Variants in GNAO1 observed in about 807,000 individuals in gnomAD.
GNAO1 encodes the protein guanine nucleotide-binding protein G(o) subunit alpha.
For missense variants in GNAO1, 166 were observed against 478.7 expected, an observed-to-expected ratio of 0.35 and a Z score of 6.10; for synonymous variants, 164 against 180.7, an observed-to-expected ratio of 0.91 and a Z score of 0.74.
At chr16:56,262,357 G>T (rs2036911367) in intron 2 of GNAO1, among the ~76,000 whole-genome samples, 1 of 152,220 alleles carries the variant, frequency 6.6e-6, no homozygotes, top group South Asian at 2.1e-4. Context: ...TTTTGGACTT[G>T]CCTGGTGTCA....
chr16:56,208,419 ATGTGTGTGTGTGTG>A (rs35244461), intron 2 of GNAO1, among the ~76,000 whole-genome samples: 2 of 148,838 alleles, frequency 1.3e-5, no homozygotes, highest in African/African-American at 2.5e-5. Flanking sequence ...GCTGCTATCA[ATGTGTGTGTGTGTG>A]TGTGTGTGTG....
At chr16:56,266,395 C>G (rs1378994681) in intron 2 of GNAO1, among the ~76,000 whole-genome samples, 4 of 152,218 alleles carry the variant, frequency 2.6e-5, no homozygotes, top group African/African-American at 9.6e-5. Flanking sequence ...CCTCTACACT[C>G]TTGGAATTCT....
chr16:56,264,481 G>C (rs2036933448), intron 2 of GNAO1, among the ~76,000 whole-genome samples: 1 of 152,192 alleles, frequency 6.6e-6, no homozygotes, highest in Non-Finnish European at 1.5e-5. Context: ...TCCTGGCCTT[G>C]CCCCTGGCTC....
chr16:56,283,038 G>A lies in GNAO1; in HGVS notation c.303+6966G>A, dbSNP rs76127646. On this transcript the variant is annotated intron_variant, in intron 3 of 8. Coordinates refer to ENST00000262493, the MANE Select transcript of GNAO1 (RefSeq NM_020988.3). ...CATTTTCCATCTGGTGGGGGTCCAG[G>A]TTTCTGAAAAACAACTCAGGGACAT... Among the ~76,000 whole-genome samples the A allele has an allele frequency of 5.7e-4, 87 of 152,256 alleles. 1 individual carries two copies. The East Asian group carries it at 0.015, about 27-fold the overall frequency.
At chr16:56,251,976 C>T (rs774040757) in intron 2 of GNAO1, among the ~76,000 whole-genome samples, 3 of 152,146 alleles carry the variant, frequency 2.0e-5, no homozygotes, top group Non-Finnish European at 4.4e-5. Flanking sequence ...CACCAATCCT[C>T]TGAGGCCCTG....
chr16:56,337,976 G>T (rs1349281974), intron 6 of GNAO1, among the ~76,000 whole-genome samples: 2 of 152,348 alleles, frequency 1.3e-5, no homozygotes, highest in African/African-American at 2.4e-5. Flanking sequence ...GGCACCGAGG[G>T]TTTGAGGTTG....
intron 6 of GNAO1, chr16:56,343,691 G>C (rs2037829529): frequency 7.9e-7 from 1 of 1,269,292 alleles, no homozygotes; most frequent in African/African-American, 1.5e-5. Context: ...ACACAGGCCA[G>C]GCTGGGGTCG....
At chr16:56,233,815 C>G (rs1183573721) in intron 2 of GNAO1, among the ~76,000 whole-genome samples, 1 of 152,176 alleles carries the variant, frequency 6.6e-6, no homozygotes, top group Non-Finnish European at 1.5e-5. Context: ...ACTCTTGTTC[C>G]CCAAAGGCTC....
At chr16:56,241,542 T>C (rs2036693980) in intron 2 of GNAO1, among the ~76,000 whole-genome samples, 1 of 152,214 alleles carries the variant, frequency 6.6e-6, no homozygotes, top group Non-Finnish European at 1.5e-5. Flanking sequence ...GTTTCCATGG[T>C]TATCTCCTAT....
chr16:56,306,289 C>T (rs142781483), intron 3 of GNAO1, among the ~76,000 whole-genome samples: 21 of 152,306 alleles, frequency 1.4e-4, no homozygotes, highest in East Asian at 7.7e-4. Context: ...GAATCTTCAG[C>T]GGCCCACACT....
Position 56,351,670 on chromosome 16 carries a change from C to A in GNAO1, c.877+133C>A. On this transcript the variant is annotated intron_variant, in intron 7 of 8. Coordinates refer to ENST00000262493, the MANE Select transcript of GNAO1 (RefSeq NM_020988.3). The surrounding 1 kb of genome is among the most constrained non-coding windows in gnomAD (Gnocchi z 6.1). Reference sequence around the variant, plus strand: ...GACCCATTGCAGGAGACTGGTGGGGCGCAAAAGAAAAACAGTGCTGTGCCA... The same window carrying A: ...GACCCATTGCAGGAGACTGGTGGGGAGCAAAAGAAAAACAGTGCTGTGCCA... 1 of 683,710 alleles carries A rather than the reference C, an allele frequency of 1.5e-6. No individual in the cohort carries two copies. Among genetic ancestry groups the A allele is most frequent in the Non-Finnish European group, 2.5e-6 (1 of 403,908 alleles). 42.4% of individuals were successfully genotyped at this position (683,710 alleles called of 1,614,324 possible). A position where few individuals can be genotyped will look rare whatever the true frequency, so the allele number is the denominator to read the frequency against.
intron 6 of GNAO1, among the ~76,000 whole-genome samples, chr16:56,349,972 T>C (rs577071165): frequency 6.6e-6 from 1 of 152,312 alleles, no homozygotes; most frequent in Admixed American, 6.5e-5. Context: ...AAGTTCTGGA[T>C]CTGGCCCAGC....
intron 2 of GNAO1, among the ~76,000 whole-genome samples, chr16:56,248,556 A>G (rs898070660): frequency 6.6e-6 from 1 of 152,150 alleles, no homozygotes; most frequent in South Asian, 2.1e-4. Context: ...CAGAAAAATA[A>G]TATGTCAGGG....
intron 2 of GNAO1, among the ~76,000 whole-genome samples, chr16:56,209,825 G>T (rs1244880550): frequency 6.6e-6 from 1 of 151,908 alleles, no homozygotes; most frequent in Admixed American, 6.6e-5. Flanking sequence ...CACATGCCCA[G>T]CCTCCCCCTT....
intron 3 of GNAO1, among the ~76,000 whole-genome samples, chr16:56,323,620 T>A (rs1567483425): frequency 6.6e-6 from 1 of 151,720 alleles, no homozygotes; most frequent in Non-Finnish European, 1.5e-5. Context: ...TACCTTTCTT[T>A]GTGCAGAATT....
rs2036202487 is a variant in GNAO1, at chr16:56,193,592, TAAAAC to T, written c.161+981_161+985del. On this transcript the variant is annotated intron_variant, in intron 2 of 8. Coordinates refer to ENST00000262493, the MANE Select transcript of GNAO1 (RefSeq NM_020988.3). ...GTGGATTTGAGTGATGGTTGAAAAT[TAAAAC>T]AAAATGGGATATTCCTTCCCTTCCA... 3 of 156,978 alleles carry T rather than the reference TAAAAC, an allele frequency of 1.9e-5. No homozygotes were observed. The South Asian group carries it at 5.7e-4, about 30-fold the overall frequency. 9.7% of individuals were successfully genotyped at this position (156,978 alleles called of 1,614,324 possible). A position where few individuals can be genotyped will look rare whatever the true frequency, so the allele number is the denominator to read the frequency against.
At chr16:56,283,532 TTAA>T (rs1453034770) in intron 3 of GNAO1, among the ~76,000 whole-genome samples, 3 of 152,242 alleles carry the variant, frequency 2.0e-5, no homozygotes, top group Admixed American at 6.5e-5. Context: ...ACTATGTTTT[TTAA>T]TAATCATGGA....
chr16:56,304,687 G>A (rs2037377355), intron 3 of GNAO1, among the ~76,000 whole-genome samples: 1 of 152,158 alleles, frequency 6.6e-6, no homozygotes, highest in African/African-American at 2.4e-5. Context: ...AACTTCTTAG[G>A]AGGAATATTA....
chr16:56,352,186 C>T (rs1381577795), intron 7 of GNAO1: 1 of 152,838 alleles, frequency 6.5e-6, no homozygotes, highest in Admixed American at 6.5e-5. Context: ...CTGCAAGCCT[C>T]CTGTATCACT....
Sources: gnomAD v4.1 joint callset for allele counts (sites outside exome capture counted in the v4.1 genomes callset) on GRCh38, gnomAD v4.1.1 for gene constraint, Gnocchi (gnomAD v3.1) non-coding constraint, MANE v1.5 for transcripts, NCBI Gene and HGNC (gene_info 2026-07-23, HGNC 2026-07-21) for gene names.